PKHD1: variants seen among roughly 807,000 people sequenced by gnomAD.
PKHD1 encodes fibrocystin.
In PKHD1, 291 loss-of-function variants were observed where a neutral mutation model predicts 412.0. The observed-to-expected ratio is 0.71, with a 90% CI of 0.64 to 0.78. PKHD1 has a LOEUF of 0.78. Among genes scored for constraint, PKHD1 ranks in the 30% least tolerant of loss-of-function variants. PKHD1 has a pLI of 0.00. For missense variants in PKHD1, 4,825 were observed against 4,950.7 expected, an observed-to-expected ratio of 0.97 and a Z score of 0.76; for synonymous variants, 1,777 against 1,821.5, an observed-to-expected ratio of 0.98 and a Z score of 0.62.
chr6:51,748,296 C>A lies in PKHD1; in HGVS notation c.9320G>T (p.Arg3107Leu). Reference sequence around the variant, plus strand: ...TTCACAAGAGGAGCACTTGTGGCCTCGGATGTGAAAGCCAAGTCTCTCTGA... The same window carrying A: ...TTCACAAGAGGAGCACTTGTGGCCTAGGATGTGAAAGCCAAGTCTCTCTGA... ...AGSERLGFHI[R>L]GHKCSSCELL... The change falls in exon 58 of 67, where the codon CGA becomes CTA. Residue 3107 changes from arginine to leucine, a missense_variant. Physicochemically the swap from Arg to Leu is moderately radical, Grantham distance 102. Coordinates refer to ENST00000371117, the MANE Select transcript of PKHD1 (RefSeq NM_138694.4). The A allele has an allele frequency of 6.2e-7, 1 of 1,614,016 alleles. No homozygotes were observed. Among genetic ancestry groups the A allele is most frequent in the Non-Finnish European group, 8.5e-7 (1 of 1,179,954 alleles).
chr6:52,048,086 C>A (rs988987229), intron 23 of PKHD1, among the ~76,000 whole-genome samples: 1 of 152,184 alleles, frequency 6.6e-6, no homozygotes, highest in Admixed American at 6.5e-5. Flanking sequence ...ATGCTAGCCA[C>A]CACCAGAAGC....
rs1181816371 is a variant in PKHD1, at chr6:52,017,514, T to G, written c.5496A>C (p.Glu1832Asp). 3 of 1,613,960 alleles carry G rather than the reference T, an allele frequency of 1.9e-6. No individual in the cohort carries two copies. The highest frequency in any genetic ancestry group is 2.2e-5 in the East Asian group (1 of 44,892). ...CGCAAATGTAGAGGTAAGGCCACGA[T>G]TCAAGCAGTTGCTCTGTCGCCATGG... The part of the protein sequence containing the change: ...TVAMATEQLL[E>D]SWPYLYICEE... The change falls in exon 34 of 67, where the codon GAA (glutamate) becomes GAC (aspartate). Residue 1832 changes from glutamate (E) to aspartate (D), a missense_variant. Transcript: ENST00000371117.
intron 64 of PKHD1, among the ~76,000 whole-genome samples, chr6:51,633,856 T>A (rs1232584180): frequency 6.6e-6 from 1 of 152,120 alleles, no homozygotes; most frequent in Non-Finnish European, 1.5e-5. Flanking sequence ...TAAAACCACA[T>A]ACAAAAATGT....
At chr6:51,684,528 C>T (rs761824271) in intron 60 of PKHD1, among the ~76,000 whole-genome samples, 1 of 152,118 alleles carries the variant, frequency 6.6e-6, no homozygotes, top group Non-Finnish European at 1.5e-5. Flanking sequence ...GTGACCTACA[C>T]TACAGCTACC....
intron 27 of PKHD1, among the ~76,000 whole-genome samples, chr6:52,039,760 C>T (rs1581892770): frequency 6.6e-6 from 1 of 152,076 alleles, no homozygotes; most frequent in Non-Finnish European, 1.5e-5. Flanking sequence ...TAGGTATATA[C>T]CCAAAAGAAC....
rs1440812247 is a variant in PKHD1 at position 51,744,485 on chromosome 6, A to G, written c.10056T>C (p.Tyr3352=). 6.2e-7 allele frequency: 1 copy of G among 1,613,046 alleles called. No individual in the cohort carries two copies. Among genetic ancestry groups the G allele is most frequent in the Non-Finnish European group, 8.5e-7 (1 of 1,179,158 alleles). ...PELDCASPRK[Y]LFKDLDGRAL... is the part of the protein sequence containing the mutation. ...CTCTCCCATCCAGATCCTTGAAGAG[A>G]TATTTTCTTGGACTTGCACAGTCTA... Residue 3352 remains tyrosine, a synonymous_variant, in exon 60 of 67, where the codon TAT becomes TAC. Coordinates refer to ENST00000371117, the MANE Select transcript of PKHD1 (RefSeq NM_138694.4).
chr6:51,975,990 A>G (rs1044132602), intron 35 of PKHD1: 3 of 123,750 alleles, frequency 2.4e-5, no homozygotes, highest in African/African-American at 8.8e-5. Flanking sequence ...AAAAAAAAAA[A>G]CAGAAAACAA....
chr6:51,980,793 TGAACA>T (rs1795040327), intron 35 of PKHD1, among the ~76,000 whole-genome samples: 1 of 152,240 alleles, frequency 6.6e-6, no homozygotes, highest in South Asian at 2.1e-4. Context: ...TTTGATACTC[TGAACA>T]GTACAGACTA....
At chr6:51,864,901 T>C (rs1353824897) in intron 48 of PKHD1, among the ~76,000 whole-genome samples, 2 of 152,112 alleles carry the variant, frequency 1.3e-5, no homozygotes, top group African/African-American at 4.8e-5. Flanking sequence ...ACTGATAATA[T>C]TGTACTTGTT....
chr6:51,809,816 G>T (rs1299749467), intron 52 of PKHD1, among the ~76,000 whole-genome samples: 3 of 150,890 alleles, frequency 2.0e-5, no homozygotes, highest in Non-Finnish European at 3.0e-5. Flanking sequence ...ATTGTTCCTT[G>T]CATGCTAGTA....
At position 51,911,785 on chromosome 6, in the gene PKHD1, A is replaced by G. The variant is rs1195001119; in HGVS notation, c.6490+14T>C. 7 of 1,609,660 alleles carry G rather than the reference A, an allele frequency of 4.3e-6. No individual in the cohort carries two copies. The highest frequency in any genetic ancestry group is 5.1e-6 in the Non-Finnish European group (6 of 1,176,468). On this transcript the variant is annotated intron_variant, in intron 39 of 66. Coordinates refer to ENST00000371117, the MANE Select transcript of PKHD1 (RefSeq NM_138694.4). ...TTTTTGCTCATTAGACTTTCCAACAAAACACTCTTCTACCTTCTGGAGCAT... is the reference window on the plus strand; with the variant it reads ...TTTTTGCTCATTAGACTTTCCAACAGAACACTCTTCTACCTTCTGGAGCAT...
At chr6:52,081,240 T>C (rs1232380008) in intron 4 of PKHD1, among the ~76,000 whole-genome samples, 1 of 152,232 alleles carries the variant, frequency 6.6e-6, no homozygotes, top group East Asian at 1.9e-4. Flanking sequence ...ACTTGTTTCA[T>C]GGCAAGTCTT....
chr6:52,029,537 AAT>A (rs1277882122), intron 29 of PKHD1, among the ~76,000 whole-genome samples: 5 of 152,226 alleles, frequency 3.3e-5, no homozygotes, highest in African/African-American at 1.2e-4. Context: ...CAACATTATG[AAT>A]ATCAGGAAAG....
At chr6:52,043,234 C>A (rs569271466) in intron 26 of PKHD1, 100 bp from the exon 27 acceptor site, 2 of 927,602 alleles carry the variant, frequency 2.2e-6, no homozygotes, top group South Asian at 1.7e-5. Context: ...TCCTTCTCTG[C>A]CCCCATCCCC....
rs180919783 is a variant in PKHD1 at position 51,776,294 on chromosome 6, T to C, written c.8441-373A>G. Reference sequence around the variant, plus strand: ...CTTGGCAAGTTGTTTTGTTTTGTTTTATTTCATTTTTTACCAGATCTCTTT... The same window carrying C: ...CTTGGCAAGTTGTTTTGTTTTGTTTCATTTCATTTTTTACCAGATCTCTTT... On this transcript the variant is annotated intron_variant, in intron 53 of 66. Coordinates refer to ENST00000371117, the MANE Select transcript of PKHD1 (RefSeq NM_138694.4). Among the ~76,000 whole-genome samples the C allele has an allele frequency of 3.3e-4, 50 of 152,152 alleles. 2 individuals are homozygous for C. In the South Asian group the frequency reaches 7.7e-3, roughly 23 times the overall value.
rs201066635 is a variant in PKHD1, at chr6:51,748,354, C to T, written c.9262G>A (p.Asp3088Asn). Residue 3088 changes from aspartate (D) to asparagine (N), a missense_variant, in exon 58 of 67, where the codon GAC becomes AAC. By Grantham distance (23) the Asp-to-Asn change is conservative. Coordinates refer to ENST00000371117, the MANE Select transcript of PKHD1 (RefSeq NM_138694.4). ...ACAACGTTGCCATGGAGGTTGATGT[C>T]CTTTACCTGGTTCACTTTGATTCCC... ...VAGIKVNQVK[D>N]INLHGNVVAG... is the part of the protein sequence containing the mutation. 315 of 1,614,048 alleles carry T rather than the reference C, an allele frequency of 2.0e-4. No individual in the cohort carries two copies. The highest frequency in any genetic ancestry group is 2.6e-4 in the Non-Finnish European group (306 of 1,179,960).
At chr6:51,760,420 T>G (rs1787804150) in intron 55 of PKHD1, among the ~76,000 whole-genome samples, 2 of 152,112 alleles carry the variant, frequency 1.3e-5, no homozygotes, top group Admixed American at 1.3e-4. Flanking sequence ...GTGTTATGCT[T>G]TTCTTAAAAT....
At chr6:51,880,945 G>A (rs1373831806) in intron 46 of PKHD1, among the ~76,000 whole-genome samples, 1 of 147,754 alleles carries the variant, frequency 6.8e-6, no homozygotes, top group Non-Finnish European at 1.5e-5. Context: ...CAGCCTGGGC[G>A]ACAGAGCGAG....
At chr6:51,739,673 T>C (rs1361507461) in intron 60 of PKHD1, among the ~76,000 whole-genome samples, 1 of 152,222 alleles carries the variant, frequency 6.6e-6, no homozygotes, top group East Asian at 1.9e-4. Context: ...GACGCTCTGG[T>C]AGACAGAAAG....
Sources: gnomAD v4.1 joint callset for allele counts (sites outside exome capture counted in the v4.1 genomes callset) on GRCh38, gnomAD v4.1.1 for gene constraint, MANE v1.5 for transcripts, NCBI Gene and HGNC (gene_info 2026-07-23, HGNC 2026-07-21) for gene names.